ALK: variants seen among roughly 807,000 people sequenced by gnomAD.
ALK encodes the protein ALK receptor tyrosine kinase, also known as ALK tyrosine kinase receptor.
ALK carries 74 observed loss-of-function variants against 163.1 expected under a neutral mutation model. That is an observed-to-expected ratio of 0.45 (90% CI 0.38 to 0.55). The LOEUF is 0.55. Among genes scored for constraint, ALK ranks in the 20% least tolerant of loss-of-function variants. The pLI is 0.00. For synonymous variants in ALK, 960 were observed against 843.2 expected (o/e 1.14, Z -2.40); for missense variants, 2,063 against 2,105.3 (o/e 0.98, Z 0.39).
chr2:29,763,866 G>A (rs901148661), intron 1 of ALK, among the ~76,000 whole-genome samples: 1 of 152,142 alleles, frequency 6.6e-6, no homozygotes, highest in Non-Finnish European at 1.5e-5. Flanking sequence ...AATGCAGAGG[G>A]GAGGAGAAAG....
At chr2:29,531,419 C>A (rs1379892099) in intron 4 of ALK, among the ~76,000 whole-genome samples, 1 of 152,064 alleles carries the variant, frequency 6.6e-6, no homozygotes, top group Admixed American at 6.6e-5. Context: ...AAGCTCTGTT[C>A]CAATCTCTAC....
intron 3 of ALK, among the ~76,000 whole-genome samples, chr2:29,579,540 C>G (rs1674619210): frequency 6.6e-6 from 1 of 152,222 alleles, no homozygotes; most frequent in Non-Finnish European, 1.5e-5. Flanking sequence ...AAATCCCTGA[C>G]AGCCTCCCAG....
chr2:29,466,962 T>C (rs759965675), intron 4 of ALK, among the ~76,000 whole-genome samples: 1 of 152,224 alleles, frequency 6.6e-6, no homozygotes, highest in Non-Finnish European at 1.5e-5. Context: ...TTTTGTGTGA[T>C]GTGTGATCAG....
chr2:29,652,172 T>C (rs1208143930), intron 3 of ALK, among the ~76,000 whole-genome samples: 2 of 152,176 alleles, frequency 1.3e-5, no homozygotes, highest in Non-Finnish European at 2.9e-5. Context: ...TTTTTTAAAA[T>C]AGCACCTAGA....
intron 3 of ALK, among the ~76,000 whole-genome samples, chr2:29,553,609 A>T (rs945982175): frequency 2.6e-5 from 4 of 152,084 alleles, no homozygotes; most frequent in Non-Finnish European, 4.4e-5. Context: ...ATTTGCATAC[A>T]CTCAATGCCT....
intron 1 of ALK, among the ~76,000 whole-genome samples, chr2:29,901,131 T>G (rs920200868): frequency 6.6e-6 from 1 of 152,198 alleles, no homozygotes; most frequent in Non-Finnish European, 1.5e-5. Context: ...GTTCAGCCAC[T>G]TATGAGTCAT....
intron 5 of ALK, among the ~76,000 whole-genome samples, chr2:29,343,504 C>T (rs971316819): frequency 3.3e-5 from 5 of 152,132 alleles, no homozygotes; most frequent in African/African-American, 7.2e-5. Flanking sequence ...CATGAGCCAC[C>T]GCACCAGGCC....
chr2:29,871,787 C>G (rs1666584407), intron 1 of ALK, among the ~76,000 whole-genome samples: 1 of 152,184 alleles, frequency 6.6e-6, no homozygotes, highest in Admixed American at 6.5e-5. Context: ...AGTGACTCAT[C>G]CAAGGTCACA....
chr2:29,206,505 C>T (rs1300974202), intron 26 of ALK, among the ~76,000 whole-genome samples: 3 of 152,028 alleles, frequency 2.0e-5, no homozygotes, highest in South Asian at 4.1e-4. Context: ...CTCCTGGGCT[C>T]GAGCAGTCCT....
intron 26 of ALK, among the ~76,000 whole-genome samples, chr2:29,206,116 C>T (rs1669302407): frequency 6.6e-6 from 1 of 152,162 alleles, no homozygotes; most frequent in Non-Finnish European, 1.5e-5. Flanking sequence ...GGCTCAGCCA[C>T]AGGATTTACT....
At chr2:29,911,794 G>C (rs1321633179) in intron 1 of ALK, among the ~76,000 whole-genome samples, 1 of 152,126 alleles carries the variant, frequency 6.6e-6, no homozygotes, top group Non-Finnish European at 1.5e-5. Context: ...ATTCTTAAGA[G>C]GAAAGATATC....
chr2:29,816,354 G>C (rs1213360389), intron 1 of ALK, among the ~76,000 whole-genome samples: 1 of 152,084 alleles, frequency 6.6e-6, no homozygotes, highest in African/African-American at 2.4e-5. Flanking sequence ...TCTGCCTCAC[G>C]GGTTGTTGCA....
At chr2:29,680,561 T>A (rs1220536341) in intron 3 of ALK, among the ~76,000 whole-genome samples, 1 of 152,084 alleles carries the variant, frequency 6.6e-6, no homozygotes, top group African/African-American at 2.4e-5. Flanking sequence ...CCAGTCAAAT[T>A]CTCAGTTTTT....
intron 6 of ALK, among the ~76,000 whole-genome samples, chr2:29,327,193 C>T (rs1031193277): frequency 2.2e-4 from 34 of 152,270 alleles, no homozygotes; most frequent in Non-Finnish European, 3.7e-4. Flanking sequence ...GAGTCTACTC[C>T]GCCCCGACTG....
At chr2:29,225,206 C>G (rs930857935) in intron 19 of ALK, among the ~76,000 whole-genome samples, 13 of 152,078 alleles carry the variant, frequency 8.5e-5, no homozygotes, top group African/African-American at 1.2e-4. Context: ...CTCCCCACCC[C>G]CTGATCAGCC....
intron 3 of ALK, among the ~76,000 whole-genome samples, chr2:29,590,276 AC>A (rs2148205912): frequency 6.6e-6 from 1 of 152,346 alleles, no homozygotes; most frequent in African/African-American, 2.4e-5. Flanking sequence ...AAAACGGGTC[AC>A]TAATTTGTAT....
chr2:29,670,346 T>C (rs2631975), intron 3 of ALK, among the ~76,000 whole-genome samples: 130,204 of 151,948 alleles, frequency 0.86, 56,068 homozygotes, highest in African/African-American at 0.94. Context: ...ATTCCATTCC[T>C]TCCTGGCCTA....
chr2:29,878,233 A>G (rs1666771105), intron 1 of ALK, among the ~76,000 whole-genome samples: 1 of 152,202 alleles, frequency 6.6e-6, no homozygotes, highest in East Asian at 1.9e-4. Flanking sequence ...GAGCTGCAGT[A>G]TTCTACCCAC....
intron 3 of ALK, among the ~76,000 whole-genome samples, chr2:29,535,508 T>C (rs1383461009): frequency 6.6e-6 from 1 of 152,198 alleles, no homozygotes; most frequent in African/African-American, 2.4e-5. Context: ...AAATTTAATA[T>C]GGGCAGAGCC....
Sources: allele counts gnomAD v4.1 joint callset (sites outside exome capture counted in the v4.1 genomes callset), GRCh38; gene constraint gnomAD v4.1.1; transcripts MANE v1.5; gene names NCBI Gene and HGNC (gene_info 2026-07-23, HGNC 2026-07-21).